Variants in DLGAP2 observed in about 807,000 individuals in gnomAD.
DLGAP2 encodes the protein disks large-associated protein 2.
In DLGAP2, 26 loss-of-function variants were observed where a neutral mutation model predicts 100.3. The observed-to-expected ratio is 0.26, with a 90% CI of 0.19 to 0.36. The LOEUF (loss-of-function observed/expected upper bound fraction) is 0.36. DLGAP2 is among the 10% of genes least tolerant of loss of function. The probability of loss-of-function intolerance (pLI) is 1.00; values close to 1 mark genes in which losing one functional copy is unlikely to be tolerated. For synonymous variants in DLGAP2, 886 were observed against 630.1 expected, an observed-to-expected ratio of 1.41 and a Z score of -6.08; for missense variants, 1,858 against 1,453.2, an observed-to-expected ratio of 1.28 and a Z score of -4.53.
intron 12 of DLGAP2, among the ~76,000 whole-genome samples, chr8:1,690,352 T>C (rs1172772619): frequency 6.6e-6 from 1 of 151,152 alleles, no homozygotes; most frequent in Non-Finnish European, 1.5e-5. Context: ...CGAGACTCCA[T>C]CTCAAGAAAA....
chr8:924,864 G>A (rs1404120659), intron 2 of DLGAP2, among the ~76,000 whole-genome samples: 1 of 152,162 alleles, frequency 6.6e-6, no homozygotes. Context: ...GGGATTGCCA[G>A]CATGAGCCAC....
intron 13 of DLGAP2, among the ~76,000 whole-genome samples, chr8:1,694,482 C>T (rs4464994): frequency 0.011 from 1,679 of 152,270 alleles, 23 homozygotes; most frequent in South Asian, 0.058. Context: ...CTCTCAGGGT[C>T]GGGATGTGCA....
At chr8:1,007,835 A>C (rs1458933379) in intron 2 of DLGAP2, among the ~76,000 whole-genome samples, 1 of 152,168 alleles carries the variant, frequency 6.6e-6, no homozygotes, top group East Asian at 1.9e-4. Context: ...GTGCCCAGTA[A>C]CATAAAAATT....
chr8:1,677,884 C>T (rs1334406685), intron 11 of DLGAP2, among the ~76,000 whole-genome samples: 5 of 152,268 alleles, frequency 3.3e-5, no homozygotes, highest in South Asian at 2.1e-4. Flanking sequence ...TGCATAAGCT[C>T]GTAGCATATT....
chr8:1,247,147 G>C (rs36186713), intron 2 of DLGAP2: 209 of 55,242 alleles, frequency 3.8e-3, no homozygotes, highest in African/African-American at 9.1e-3. Flanking sequence ...CGGTGGCCGG[G>C]AAGACCTTTG....
chr8:912,947 C>T (rs1563092447), intron 2 of DLGAP2, among the ~76,000 whole-genome samples: 1 of 152,108 alleles, frequency 6.6e-6, no homozygotes, highest in Non-Finnish European at 1.5e-5. Flanking sequence ...GGTCTTTCCC[C>T]TCAGTAGCTG....
intron 3 of DLGAP2, among the ~76,000 whole-genome samples, chr8:1,468,122 C>A (rs1463504267): frequency 6.6e-6 from 1 of 152,244 alleles, no homozygotes; most frequent in African/African-American, 2.4e-5. Flanking sequence ...GTCACAGGAG[C>A]AGGGAGGTCC....
chr8:1,286,559 T>G (rs1040898715), intron 3 of DLGAP2, among the ~76,000 whole-genome samples: 19 of 152,296 alleles, frequency 1.2e-4, no homozygotes, highest in East Asian at 1.2e-3. Flanking sequence ...GCGGAGGTGC[T>G]TGACAGTGAG....
chr8:1,446,452 G>T (rs184516383), intron 3 of DLGAP2, among the ~76,000 whole-genome samples: 83 of 152,164 alleles, frequency 5.5e-4, no homozygotes, highest in Non-Finnish European at 7.1e-4. Context: ...TTGATCTATA[G>T]CTCTGTTTTG....
chr8:758,998 C>T (rs1044977596), intron 1 of DLGAP2, among the ~76,000 whole-genome samples: 46 of 147,946 alleles, frequency 3.1e-4, no homozygotes, highest in African/African-American at 1.1e-3. Context: ...TCAATACCCC[C>T]AACAGCCTTC....
intron 3 of DLGAP2, among the ~76,000 whole-genome samples, chr8:1,350,756 C>T (rs370204176): frequency 0.013 from 179 of 13,444 alleles, 4 homozygotes; most frequent in Admixed American, 0.017. Context: ...GGAAAGGCCG[C>T]GCGGGTCCTG....
chr8:1,681,669 T>C (rs947578715), intron 12 of DLGAP2, among the ~76,000 whole-genome samples: 1 of 152,062 alleles, frequency 6.6e-6, no homozygotes, highest in Non-Finnish European at 1.5e-5. Flanking sequence ...AAAGAATATC[T>C]AGACCAGTTC....
At chr8:1,211,826 T>TA (rs1798110485) in intron 2 of DLGAP2, among the ~76,000 whole-genome samples, 1 of 152,196 alleles carries the variant, frequency 6.6e-6, no homozygotes, top group Admixed American at 6.5e-5. Context: ...AGTGAGCCGA[T>TA]ATCGTGCCAT....
rs73671228 is a variant in DLGAP2 at position 1,573,528 on chromosome 8, G to A, written c.1442+7634G>A. Among the ~76,000 whole-genome samples, 552 of 152,184 alleles carry A rather than the reference G, an allele frequency of 3.6e-3. 1 individual carries two copies. Among genetic ancestry groups the A allele is most frequent in the African/African-American group, 0.013 (530 of 41,504 alleles). On this transcript the variant is annotated intron_variant, in intron 6 of 14. Transcript: ENST00000637795. ...TCCTTTAGACCCCTGACTGCCATCCGTGGGTTTCACAGCTTGGGGAGCATA... is the reference window on the plus strand; with the variant it reads ...TCCTTTAGACCCCTGACTGCCATCCATGGGTTTCACAGCTTGGGGAGCATA...
intron 1 of DLGAP2, among the ~76,000 whole-genome samples, chr8:849,783 A>T (rs959419786): frequency 6.6e-6 from 1 of 152,146 alleles, no homozygotes; most frequent in Non-Finnish European, 1.5e-5. Context: ...TTCTCACTTA[A>T]AAAAGCTAGG....
At chr8:963,554 C>T (rs576796651) in intron 2 of DLGAP2, among the ~76,000 whole-genome samples, 1 of 152,112 alleles carries the variant, frequency 6.6e-6, no homozygotes, top group Non-Finnish European at 1.5e-5. Context: ...TGTAATTCCT[C>T]TCAACACAAC....
intron 2 of DLGAP2, among the ~76,000 whole-genome samples, chr8:940,769 C>A (rs1454551503): frequency 1.3e-5 from 2 of 152,192 alleles, no homozygotes; most frequent in Admixed American, 6.5e-5. Context: ...TTGTTCTGAT[C>A]ATTATCCAAT....
chr8:1,144,576 G>A (rs998830733), intron 2 of DLGAP2, among the ~76,000 whole-genome samples: 1 of 152,212 alleles, frequency 6.6e-6, no homozygotes, highest in Non-Finnish European at 1.5e-5. Flanking sequence ...GGAAATAAAC[G>A]CTCTTTCCAT....
intron 3 of DLGAP2, among the ~76,000 whole-genome samples, chr8:1,267,932 T>G (rs192768455): frequency 1.6e-4 from 25 of 152,316 alleles, no homozygotes; most frequent in Admixed American, 1.6e-3. Flanking sequence ...GCTGGCTTCA[T>G]GGATGTCTGT....
Sources: gnomAD v4.1 joint callset for allele counts (sites outside exome capture counted in the v4.1 genomes callset) on GRCh38, gnomAD v4.1.1 for gene constraint, MANE v1.5 for transcripts, NCBI Gene and HGNC (gene_info 2026-07-23, HGNC 2026-07-21) for gene names.